Variants in CTH observed in about 807,000 individuals in gnomAD.
CTH encodes the protein cystathionine gamma-lyase, also known as cystathionase (cystathionine gamma-lyase).
In CTH, 41 loss-of-function variants were observed where a neutral mutation model predicts 50.6. The observed-to-expected ratio is 0.81, with a 90% CI of 0.63 to 1.05. The LOEUF (loss-of-function observed/expected upper bound fraction) is 1.05, where lower values mean the gene tolerates loss of function less well. Among genes scored for constraint, CTH ranks in the 50% least tolerant of loss-of-function variants. CTH has a pLI of 0.00. For missense variants in CTH, 470 were observed against 492.6 expected, an observed-to-expected ratio of 0.95 and a Z score of 0.43; for synonymous variants, 156 against 168.9, an observed-to-expected ratio of 0.92 and a Z score of 0.59.
chr1:70,435,258 G>T, intron 10 of CTH, 81 bp downstream of exon 10: 2 of 1,296,802 alleles, frequency 1.5e-6, no homozygotes, highest in Admixed American at 3.8e-5. Flanking sequence ...ATAAGGTCAG[G>T]GATAATTCAA....
At chr1:70,432,904 G>A (rs948212427) in intron 8 of CTH, among the ~76,000 whole-genome samples, 4 of 151,652 alleles carry the variant, frequency 2.6e-5, no homozygotes, top group African/African-American at 7.3e-5. Context: ...GTCTGGTCTC[G>A]AACTCCTGAC....
chr1:70,420,841 G>T (rs1344408550), intron 3 of CTH, among the ~76,000 whole-genome samples: 2 of 151,974 alleles, frequency 1.3e-5, no homozygotes, highest in African/African-American at 4.8e-5. Flanking sequence ...TGATTTTAAA[G>T]AACTTTTTAC....
Position 70,439,102 on chromosome 1 carries a change from A to C in CTH, c.1193A>C (p.His398Pro). ...TTTTCTTGTGCACTGTTATTATAGCACCCTCCAAGTGGAAGTCACAGCTAG... is the reference window on the plus strand; with the variant it reads ...TTTTCTTGTGCACTGTTATTATAGCCCCCTCCAAGTGGAAGTCACAGCTAG... ...EDLDQALKAA[H>P]PPSGSHS The change falls in exon 12 of 12, where the codon CAC becomes CCC. Residue 398 changes from histidine (H) to proline (P), a missense_variant and splice_region_variant. Transcript: ENST00000370938. 6.2e-7 allele frequency: 1 copy of C among 1,612,140 alleles called. No homozygotes were observed. Among genetic ancestry groups the C allele is most frequent in the Non-Finnish European group, 8.5e-7 (1 of 1,178,266 alleles).
intron 1 of CTH, among the ~76,000 whole-genome samples, chr1:70,413,739 CTTTTTT>C (rs765540452): frequency 1.7e-5 from 2 of 118,210 alleles, no homozygotes; most frequent in Non-Finnish European, 3.4e-5. Flanking sequence ...TGCTTAATAT[CTTTTTT>C]TTTTTTTTTT....
At chr1:70,411,866 A>T (rs987472233) in intron 1 of CTH, among the ~76,000 whole-genome samples, 2 of 152,192 alleles carry the variant, frequency 1.3e-5, no homozygotes, top group Non-Finnish European at 2.9e-5. Context: ...TAAAAATCGA[A>T]GGTCATAACT....
chr1:70,431,934 T>G, intron 7 of CTH, 149 bp from the exon 8 acceptor site: 1 of 769,906 alleles, frequency 1.3e-6, no homozygotes, highest in Admixed American at 2.2e-5. Context: ...TTCTTCTGCT[T>G]CTGATTTGAT....
chr1:70,416,301 C>G (rs56181963), intron 2 of CTH, among the ~76,000 whole-genome samples: 1 of 152,214 alleles, frequency 6.6e-6, no homozygotes, highest in South Asian at 2.1e-4. Flanking sequence ...CTACATTTAT[C>G]ATGTAGTATT....
intron 5 of CTH, among the ~76,000 whole-genome samples, chr1:70,427,729 T>C (rs1347045506): frequency 6.6e-6 from 1 of 152,148 alleles, no homozygotes; most frequent in Non-Finnish European, 1.5e-5. Flanking sequence ...TTTGTTTGTT[T>C]TGAAATGGAG....
intron 8 of CTH, among the ~76,000 whole-genome samples, chr1:70,433,247 A>G (rs765622932): frequency 2.0e-5 from 3 of 152,212 alleles, no homozygotes; most frequent in Admixed American, 6.5e-5. Flanking sequence ...AAAGCGAAAT[A>G]CATATGAAAC....
At chr1:70,429,733 C>A in intron 5 of CTH, 61 bp from the exon 6 acceptor site, 1 of 1,117,388 alleles carries the variant, frequency 8.9e-7, no homozygotes, top group Non-Finnish European at 1.4e-6. Flanking sequence ...TGCAAATAGG[C>A]AGGTAATGAA....
rs191502681 is a variant in CTH, at chr1:70,424,190, T to C, written c.457-95T>C. The C allele has an allele frequency of 4.2e-5, 67 of 1,599,698 alleles. No homozygotes were observed. In the East Asian group the frequency reaches 1.4e-3, roughly 34 times the overall value. On this transcript the variant is annotated intron_variant, in intron 4 of 11. Coordinates refer to ENST00000370938, the MANE Select transcript of CTH (RefSeq NM_001902.6). ...AACATCATCATCCATGTGTTTCCAT[T>C]ATACAATGTAGCTTCCCAGATTGTT...
At chr1:70,426,908 G>A (rs79256209) in intron 5 of CTH, among the ~76,000 whole-genome samples, 2,370 of 152,160 alleles carry the variant, frequency 0.016, 50 homozygotes, top group African/African-American at 0.054. Context: ...GGACCTGCCC[G>A]GGTTACTCAT....
chr1:70,438,685 C>T lies in CTH; in HGVS notation c.1053-3C>T. ...TCAAAAATTTGCTCATGTCTTCTTT[C>T]AGGGCAATCATGACTCATGCATCAG... On this transcript the variant is annotated splice_polypyrimidine_tract_variant and splice_region_variant and intron_variant, in intron 10 of 11. Transcript: ENST00000370938. 1 of 1,614,044 alleles carries T rather than the reference C, an allele frequency of 6.2e-7. No homozygotes were observed. The highest frequency in any genetic ancestry group is 8.5e-7 in the Non-Finnish European group (1 of 1,179,974).
chr1:70,434,043 T>C, intron 9 of CTH, 94 bp downstream of exon 9: 1 of 1,573,968 alleles, frequency 6.4e-7, no homozygotes, highest in Non-Finnish European at 8.6e-7. Context: ...AATGTTTTTG[T>C]ATCTGCAGGT....
At chr1:70,436,296 C>G (rs575279859) in intron 10 of CTH, among the ~76,000 whole-genome samples, 4 of 152,132 alleles carry the variant, frequency 2.6e-5, no homozygotes, top group Non-Finnish European at 4.4e-5. Flanking sequence ...CCACTGCACT[C>G]CAGCCTGGGT....
chr1:70,428,422 G>C (rs1450062610), intron 5 of CTH, among the ~76,000 whole-genome samples: 1 of 152,116 alleles, frequency 6.6e-6, no homozygotes, highest in African/African-American at 2.4e-5. Flanking sequence ...ATAAATATTT[G>C]AGATGATGGG....
chr1:70,439,056 C>T (rs1684662836), intron 11 of CTH, 45 bp from the exon 12 acceptor site: 1 of 1,569,738 alleles, frequency 6.4e-7, no homozygotes, highest in Non-Finnish European at 8.8e-7. Context: ...GAAGCTATGG[C>T]CTATATGTTT....
chr1:70,421,287 CTT>C (rs1423932963), intron 3 of CTH, among the ~76,000 whole-genome samples: 4 of 152,154 alleles, frequency 2.6e-5, no homozygotes, highest in Non-Finnish European at 5.9e-5. Flanking sequence ...AAGCATGTCA[CTT>C]AGTGGAGATT....
At position 70,414,671 on chromosome 1, in the gene CTH, G is replaced by A. The variant is rs984072259; in HGVS notation, c.169-1285G>A. ...GAAAATTATAGGACTTCTAATTAAT[G>A]TTCGAATCCTTGGTTCACAATCCGG... On this transcript the variant is annotated intron_variant, in intron 1 of 11. Transcript: ENST00000370938. Among the ~76,000 whole-genome samples, 127 of 152,144 alleles carry A rather than the reference G, an allele frequency of 8.3e-4. 1 individual carries two copies. The highest frequency in any genetic ancestry group is 2.2e-4 in the Non-Finnish European group (15 of 68,024).
Sources: gnomAD v4.1 joint callset for allele counts (sites outside exome capture counted in the v4.1 genomes callset) on GRCh38, gnomAD v4.1.1 for gene constraint, MANE v1.5 for transcripts, NCBI Gene and HGNC (gene_info 2026-07-23, HGNC 2026-07-21) for gene names.